PPP1R12B: variants seen among roughly 807,000 people sequenced by gnomAD.
PPP1R12B encodes the protein protein phosphatase 1 regulatory subunit 12B, also known as myosin phosphatase target subunit 2.
A neutral mutation model predicts 126.1 loss-of-function variants in PPP1R12B; 76 were observed. The ratio of observed to expected loss-of-function variants is 0.60; its 90% confidence interval spans 0.50 to 0.73. PPP1R12B has a LOEUF of 0.73. Among genes scored for constraint, PPP1R12B ranks in the 30% least tolerant of loss-of-function variants. The pLI, the probability that PPP1R12B is intolerant of heterozygous loss-of-function variation, is 0.00. For missense variants in PPP1R12B, 1,052 were observed against 1,205.1 expected (o/e 0.87, Z 1.88); for synonymous variants, 356 against 434.7 (o/e 0.82, Z 2.25).
intron 18 of PPP1R12B, chr1:202,501,736 C>T (rs1306097700): frequency 2.5e-6 from 1 of 403,908 alleles, no homozygotes; most frequent in African/African-American, 2.2e-5. Context: ...GACATCTCTG[C>T]TAGGTGAGCA....
intron 13 of PPP1R12B, among the ~76,000 whole-genome samples, chr1:202,461,437 A>T (rs1168759761): frequency 6.6e-6 from 1 of 152,154 alleles, no homozygotes; most frequent in African/African-American, 2.4e-5. Flanking sequence ...CAAACTACAA[A>T]ACAATTTAGA....
chr1:202,448,407 G>A (rs1672524682), intron 12 of PPP1R12B: 2 of 152,372 alleles, frequency 1.3e-5, no homozygotes, highest in Admixed American at 1.3e-4. Context: ...TAGACAATTA[G>A]GCATTTGGTT....
intron 13 of PPP1R12B, among the ~76,000 whole-genome samples, chr1:202,484,019 T>G (rs1336109178): frequency 6.6e-6 from 1 of 152,248 alleles, no homozygotes; most frequent in Non-Finnish European, 1.5e-5. Context: ...TAGGTGAGTC[T>G]GTTTTAGGCA....
intron 13 of PPP1R12B, among the ~76,000 whole-genome samples, chr1:202,455,514 G>A (rs1275631814): frequency 6.6e-6 from 1 of 152,122 alleles, no homozygotes; most frequent in Non-Finnish European, 1.5e-5. Context: ...ATGTTTTCAA[G>A]GTTCATCCAT....
At chr1:202,509,354 G>A (rs1018555201) in intron 18 of PPP1R12B, among the ~76,000 whole-genome samples, 21 of 152,244 alleles carry the variant, frequency 1.4e-4, no homozygotes, top group African/African-American at 5.1e-4. Context: ...GGAGAGAGGG[G>A]GAGTTGCTTC....
intron 1 of PPP1R12B, among the ~76,000 whole-genome samples, chr1:202,381,410 G>A (rs1195797893): frequency 2.0e-5 from 3 of 147,364 alleles, no homozygotes; most frequent in East Asian, 2.0e-4. Flanking sequence ...GTGTGTGTGT[G>A]TGTGTGTGTG....
At chr1:202,349,592 T>C (rs1333084269) in intron 1 of PPP1R12B, among the ~76,000 whole-genome samples, 1 of 152,208 alleles carries the variant, frequency 6.6e-6, no homozygotes, top group Non-Finnish European at 1.5e-5. Flanking sequence ...AGCCCTTTAC[T>C]GGGTAAAGAC....
intron 19 of PPP1R12B, among the ~76,000 whole-genome samples, chr1:202,561,439 C>T (rs1253310950): frequency 1.3e-5 from 2 of 150,948 alleles, no homozygotes; most frequent in Non-Finnish European, 2.9e-5. Flanking sequence ...GCAAGATGTC[C>T]ACGGTCATAG....
chr1:202,356,249 C>T (rs1327175303), intron 1 of PPP1R12B, among the ~76,000 whole-genome samples: 1 of 152,120 alleles, frequency 6.6e-6, no homozygotes, highest in Non-Finnish European at 1.5e-5. Flanking sequence ...AGGCTAGTCA[C>T]TTTCCTATCT....
chr1:202,545,178 G>A (rs947385274), intron 18 of PPP1R12B, among the ~76,000 whole-genome samples: 7 of 152,120 alleles, frequency 4.6e-5, no homozygotes, highest in African/African-American at 1.4e-4. Context: ...CATTTTTTCC[G>A]CCTAATTAAA....
At chr1:202,365,279 A>G (rs1472393025) in intron 1 of PPP1R12B, among the ~76,000 whole-genome samples, 1 of 151,848 alleles carries the variant, frequency 6.6e-6, no homozygotes, top group Non-Finnish European at 1.5e-5. Flanking sequence ...AGAGACAGGG[A>G]AATCCTAAGT....
At chr1:202,567,180 T>A (rs1182645614) in intron 21 of PPP1R12B, among the ~76,000 whole-genome samples, 1 of 152,174 alleles carries the variant, frequency 6.6e-6, no homozygotes, top group African/African-American at 2.4e-5. Flanking sequence ...GTGGACTACC[T>A]CTGTTCAAAG....
In PPP1R12B at chr1:202,495,290, C is replaced by T. The variant is rs1182404922; in HGVS notation, c.2146-3C>T. 1 of 1,542,864 alleles carries T rather than the reference C, an allele frequency of 6.5e-7. No homozygotes were observed. Among genetic ancestry groups the T allele is most frequent in the Non-Finnish European group, 8.7e-7 (1 of 1,149,126 alleles). On this transcript the variant is annotated splice_polypyrimidine_tract_variant and splice_region_variant and intron_variant, in intron 15 of 23. Coordinates refer to ENST00000608999, the MANE Select transcript of PPP1R12B (RefSeq NM_002481.4). ...AATATCTCATATTGTGGATTATTTC[C>T]AGCCTATCTGTCATCGCCTGAGGTG...
chr1:202,441,786 T>G (rs1011352915), intron 11 of PPP1R12B, among the ~76,000 whole-genome samples: 66 of 152,254 alleles, frequency 4.3e-4, no homozygotes, highest in African/African-American at 1.3e-3. Flanking sequence ...CTTCTTCATC[T>G]TCCCCCATCA....
intron 13 of PPP1R12B, among the ~76,000 whole-genome samples, chr1:202,474,324 G>C (rs1171463335): frequency 6.7e-6 from 1 of 149,722 alleles, no homozygotes; most frequent in Admixed American, 6.7e-5. Context: ...TCCCACTCTT[G>C]TCGCCCAGGT....
Position 202,469,238 on chromosome 1 carries a change from G to A in PPP1R12B, c.1851-19295G>A, listed in dbSNP as rs141818099. Among the ~76,000 whole-genome samples, 8 of 152,318 alleles carry A rather than the reference G, an allele frequency of 5.3e-5. No individual in the cohort carries two copies. In the East Asian group the frequency reaches 1.5e-3, roughly 29 times the overall value. On this transcript the variant is annotated intron_variant, in intron 13 of 23. Transcript: ENST00000608999. ...CGAGAATGGTGGTTAGTTGTGGGTA[G>A]AATAGCACTTTTTTTTGTTATAATC...
intron 13 of PPP1R12B, among the ~76,000 whole-genome samples, chr1:202,465,141 G>A (rs1178913674): frequency 2.0e-5 from 3 of 152,112 alleles, no homozygotes; most frequent in Non-Finnish European, 4.4e-5. Flanking sequence ...CTTAATTCAC[G>A]TAAGAGAATG....
intron 13 of PPP1R12B, among the ~76,000 whole-genome samples, chr1:202,466,460 T>C (rs1011277345): frequency 2.7e-5 from 4 of 148,824 alleles, no homozygotes; most frequent in Admixed American, 1.3e-4. Flanking sequence ...TTTTTAGCCC[T>C]TTTTTTTTTC....
chr1:202,473,306 G>A (rs1676177569), intron 13 of PPP1R12B, among the ~76,000 whole-genome samples: 1 of 152,112 alleles, frequency 6.6e-6, no homozygotes, highest in South Asian at 2.1e-4. Context: ...CAAATTGAGT[G>A]GTATGTACAC....
Sources: allele counts gnomAD v4.1 joint callset (sites outside exome capture counted in the v4.1 genomes callset), GRCh38; gene constraint gnomAD v4.1.1; transcripts MANE v1.5; gene names NCBI Gene and HGNC (gene_info 2026-07-23, HGNC 2026-07-21).